Variants in NAV1 observed in about 807,000 individuals in gnomAD.
NAV1 encodes the protein pore membrane and/or filament interacting like protein 3.
A neutral mutation model predicts 175.2 loss-of-function variants in NAV1; 18 were observed. The ratio of observed to expected loss-of-function variants is 0.10; its 90% CI spans 0.07 to 0.15. The LOEUF (loss-of-function observed/expected upper bound fraction) is 0.15, where lower values mean the gene tolerates loss of function less well. Ranked by LOEUF, NAV1 falls within the 10% of genes least tolerant of loss-of-function variation. The probability of loss-of-function intolerance (pLI) is 1.00; values close to 1 mark genes in which losing one functional copy is unlikely to be tolerated. For missense variants in NAV1, 1,731 were observed against 2,436.6 expected (o/e 0.71, Z 6.10); for synonymous variants, 897 against 978.7 (o/e 0.92, Z 1.56).
chr1:201,548,539 T>C (rs1305880033), intron 1 of NAV1, among the ~76,000 whole-genome samples: 1 of 152,044 alleles, frequency 6.6e-6, no homozygotes, highest in Non-Finnish European at 1.5e-5. Flanking sequence ...CCAGCCTGGG[T>C]GACAGAGCAA....
intron 3 of NAV1, among the ~76,000 whole-genome samples, chr1:201,776,172 A>G (rs889114411): frequency 6.6e-6 from 1 of 151,988 alleles, no homozygotes; most frequent in African/African-American, 2.4e-5. Flanking sequence ...AGAAGAAATG[A>G]AAAACTTAAT....
upstream of NAV1, among the ~76,000 whole-genome samples, chr1:201,643,558 T>A (rs201544099): frequency 1.6e-4 from 25 of 151,984 alleles, no homozygotes; most frequent in East Asian, 4.1e-3. Flanking sequence ...ATTACAGACA[T>A]GTGCCACTAT....
At chr1:201,752,965 G>A (rs1356615400) in intron 3 of NAV1, among the ~76,000 whole-genome samples, 5 of 152,024 alleles carry the variant, frequency 3.3e-5, no homozygotes. Flanking sequence ...CACTGTTATT[G>A]GAAATCTTCA....
intron 3 of NAV1, 144 bp from the exon 8 acceptor site, chr1:201,780,277 A>G: frequency 8.6e-6 from 7 of 813,772 alleles, no homozygotes; most frequent in East Asian, 5.4e-5. Flanking sequence ...TGAGTTGCTG[A>G]CAAACCTAGG....
chr1:201,573,876 A>G (rs1455636026), intron 1 of NAV1, among the ~76,000 whole-genome samples: 1 of 152,078 alleles, frequency 6.6e-6, no homozygotes, highest in Non-Finnish European at 1.5e-5. Flanking sequence ...GGCAACATAG[A>G]AAGGTCCCAT....
intron 3 of NAV1, among the ~76,000 whole-genome samples, chr1:201,729,887 CAG>C (rs1672774068): frequency 6.6e-6 from 1 of 151,970 alleles, no homozygotes; most frequent in Admixed American, 6.6e-5. Context: ...GCCTGGGCGA[CAG>C]AGCAAAACTG....
At chr1:201,669,448 C>T (rs1034064731) in intron 1 of NAV1, among the ~76,000 whole-genome samples, 5 of 151,540 alleles carry the variant, frequency 3.3e-5, no homozygotes, top group Non-Finnish European at 5.9e-5. Context: ...AGAAGGCCAC[C>T]GAGGTGGCAG....
rs1046922609 is a variant in NAV1, at chr1:201,788,971, C to T, written c.3166+333C>T. ...CTCATTCTAGCCATAGTCTTTCCTC[C>T]CCACAGTCTCTCAAATATATGAAAA... On this transcript the variant is annotated intron_variant, in intron 10 of 29. Transcript: ENST00000367296. The surrounding 1 kb of genome is among the most constrained non-coding windows in gnomAD (Gnocchi z 5.7). Among the ~76,000 whole-genome samples the T allele has an allele frequency of 4.6e-5, 7 of 152,150 alleles. No homozygotes were observed. The highest frequency in any genetic ancestry group is 3.3e-4 in the Admixed American group (5 of 15,270).
intron 1 of NAV1, among the ~76,000 whole-genome samples, chr1:201,552,111 C>G (rs558356213): frequency 2.2e-4 from 34 of 152,336 alleles, no homozygotes; most frequent in African/African-American, 8.2e-4. Context: ...CACTGCTGAG[C>G]TGGCCACAGA....
At chr1:201,814,582 T>C (rs947673303) in intron 28 of NAV1, among the ~76,000 whole-genome samples, 1 of 152,144 alleles carries the variant, frequency 6.6e-6, no homozygotes, top group Non-Finnish European at 1.5e-5. Flanking sequence ...GATAGATATC[T>C]CCTGGTGATA....
chr1:201,695,986 G>A (rs1221200391), intron 1 of NAV1, among the ~76,000 whole-genome samples: 2 of 152,238 alleles, frequency 1.3e-5, no homozygotes, highest in African/African-American at 4.8e-5. Flanking sequence ...CTAAGAAGGA[G>A]AAACTGAAGC....
chr1:201,560,490 G>T (rs1181257491), intron 1 of NAV1, among the ~76,000 whole-genome samples: 1 of 152,176 alleles, frequency 6.6e-6, no homozygotes, highest in Non-Finnish European at 1.5e-5. Context: ...TCCTGGTGTG[G>T]TGACCAACAG....
intron 13 of NAV1, chr1:201,791,791 A>T (rs1469097263): frequency 6.6e-6 from 1 of 152,032 alleles, no homozygotes; most frequent in African/African-American, 2.4e-5. Context: ...CAAACCCTCA[A>T]TTCATAAGTT....
intron 1 of NAV1, among the ~76,000 whole-genome samples, chr1:201,554,831 A>C (rs1386967333): frequency 6.6e-6 from 1 of 152,200 alleles, no homozygotes; most frequent in Non-Finnish European, 1.5e-5. Context: ...CTATAGTGTC[A>C]GTTCTGGAGG....
chr1:201,660,695 T>A (rs1242815948), intron 1 of NAV1, among the ~76,000 whole-genome samples: 1 of 152,270 alleles, frequency 6.6e-6, no homozygotes, highest in Non-Finnish European at 1.5e-5. Flanking sequence ...GAGCACTCAC[T>A]GTTTGCCAGC....
At chr1:201,725,001 C>T (rs1429970275) in intron 3 of NAV1, 2 of 152,330 alleles carry the variant, frequency 1.3e-5, no homozygotes, top group Non-Finnish European at 2.9e-5. Flanking sequence ...TCAGCGAGCT[C>T]AAGCCTTAAA....
intron 2 of NAV1, among the ~76,000 whole-genome samples, chr1:201,611,922 A>G (rs776535694): frequency 6.6e-6 from 1 of 152,080 alleles, no homozygotes; most frequent in African/African-American, 2.4e-5. Context: ...AAGAATAAGC[A>G]TGAGTGTGAG....
intron 7 of NAV1, among the ~76,000 whole-genome samples, chr1:201,785,006 G>A (rs1003540242): frequency 6.6e-6 from 1 of 152,154 alleles, no homozygotes; most frequent in Non-Finnish European, 1.5e-5. Context: ...CCGACCTCGT[G>A]ATCCACCCGC....
At chr1:201,541,139 T>G (rs1293524220) in intron 1 of NAV1, among the ~76,000 whole-genome samples, 1 of 152,224 alleles carries the variant, frequency 6.6e-6, no homozygotes, top group African/African-American at 2.4e-5. Context: ...TGCTTTGTAT[T>G]TTAGATATTT....
Sources: gnomAD v4.1 joint callset for allele counts (sites outside exome capture counted in the v4.1 genomes callset) on GRCh38, gnomAD v4.1.1 for gene constraint, Gnocchi (gnomAD v3.1) non-coding constraint, MANE v1.5 for transcripts, NCBI Gene and HGNC (gene_info 2026-07-23, HGNC 2026-07-21) for gene names.